The following CSMD2 variants were observed in gnomAD, a reference collection of about 807,000 sequenced individuals.
CSMD2 encodes CUB and sushi domain-containing protein 2.
CSMD2 carries 130 observed loss-of-function variants against 398.5 expected under a neutral mutation model. That is an observed-to-expected ratio of 0.33 (90% confidence interval 0.28 to 0.38). The LOEUF is 0.38. Ranked by LOEUF, CSMD2 falls within the 10% of genes least tolerant of loss-of-function variation. CSMD2 has a pLI of 1.00. For missense variants in CSMD2, 3,829 were observed against 4,764.9 expected, an observed-to-expected ratio of 0.80 and a Z score of 5.78; for synonymous variants, 1,828 against 1,908.5, an observed-to-expected ratio of 0.96 and a Z score of 1.10.
chr1:33,984,982 G>T (rs1032324574), intron 3 of CSMD2, among the ~76,000 whole-genome samples: 1 of 152,178 alleles, frequency 6.6e-6, no homozygotes, highest in African/African-American at 2.4e-5. Context: ...GGTAATGATT[G>T]CTTATTATAA....
At chr1:34,137,167 A>G (rs931166675) in intron 1 of CSMD2, among the ~76,000 whole-genome samples, 6 of 151,492 alleles carry the variant, frequency 4.0e-5, no homozygotes, top group African/African-American at 9.7e-5. Context: ...CACTATCTCT[A>G]TCCATCCCAT....
At chr1:33,946,771 ACCC>A (rs1644851831) in intron 3 of CSMD2, among the ~76,000 whole-genome samples, 1 of 54,154 alleles carries the variant, frequency 1.8e-5, no homozygotes, top group African/African-American at 8.7e-5. Flanking sequence ...GGCGCGCACC[ACCC>A]ACCATGTCCA....
chr1:33,847,425 C>T (rs1638343452), intron 5 of CSMD2, among the ~76,000 whole-genome samples: 1 of 151,978 alleles, frequency 6.6e-6, no homozygotes, highest in Non-Finnish European at 1.5e-5. Flanking sequence ...ATTCCCTACT[C>T]TCCTTGGCTT....
chr1:33,696,608 C>T (rs1645427967), intron 24 of CSMD2, among the ~76,000 whole-genome samples: 1 of 152,064 alleles, frequency 6.6e-6, no homozygotes, highest in Non-Finnish European at 1.5e-5. Context: ...TATCCATGTC[C>T]TTGGTTAGAG....
chr1:33,794,303 A>G (rs1654687246), intron 10 of CSMD2, among the ~76,000 whole-genome samples: 1 of 152,210 alleles, frequency 6.6e-6, no homozygotes, highest in African/African-American at 2.4e-5. Flanking sequence ...AGTATCTGTG[A>G]GCACGTCAGT....
intron 12 of CSMD2, among the ~76,000 whole-genome samples, chr1:33,781,944 A>C (rs1328991926): frequency 6.6e-6 from 1 of 151,848 alleles, no homozygotes; most frequent in Non-Finnish European, 1.5e-5. Context: ...ATTTCTGGGA[A>C]GCAAATGCCC....
At chr1:34,081,570 C>T (rs534941508) in intron 2 of CSMD2, among the ~76,000 whole-genome samples, 3 of 152,124 alleles carry the variant, frequency 2.0e-5, no homozygotes, top group Non-Finnish European at 4.4e-5. Context: ...AGGCGCGCGC[C>T]GCCACGCCTG....
At chr1:34,020,489 C>T (rs931829979) in intron 3 of CSMD2, among the ~76,000 whole-genome samples, 1 of 152,158 alleles carries the variant, frequency 6.6e-6, no homozygotes, top group Admixed American at 6.5e-5. Flanking sequence ...GGCTGGGGAC[C>T]ACAGGCTCAA....
rs560947152 is a variant in CSMD2 at position 34,036,298 on chromosome 1, AGTACATCC to A, written c.405-3600_405-3593del. 5.3e-5 allele frequency among the ~76,000 whole-genome samples: 8 copies of A among 152,346 alleles called. No individual in the cohort carries two copies. In the East Asian group the frequency reaches 1.5e-3, roughly 29 times the overall value. ...ATAGGTGAATGACTAAACAAACTGG[AGTACATCC>A]ATACCACAGAATACTACTCAGCAAT... On this transcript the variant is annotated intron_variant, in intron 2 of 70. Transcript: ENST00000373381.
intron 20 of CSMD2, among the ~76,000 whole-genome samples, 162 bp from the exon 21 acceptor site, chr1:33,714,937 C>CA (rs1454098795): frequency 6.6e-6 from 1 of 152,038 alleles, no homozygotes; most frequent in Non-Finnish European, 1.5e-5. Flanking sequence ...GACACTGGCC[C>CA]AAAAAGAGAA....
intron 5 of CSMD2, among the ~76,000 whole-genome samples, chr1:33,903,756 A>C (rs1340369129): frequency 6.6e-6 from 1 of 152,270 alleles, no homozygotes; most frequent in African/African-American, 2.4e-5. Context: ...AATGTTTAAA[A>C]TAAAACAAGA....
intron 3 of CSMD2, among the ~76,000 whole-genome samples, chr1:33,945,433 T>C (rs1398233312): frequency 6.6e-6 from 1 of 152,032 alleles, no homozygotes; most frequent in East Asian, 1.9e-4. Context: ...TCTTAAAAAG[T>C]TGGGGCCATT....
intron 5 of CSMD2, among the ~76,000 whole-genome samples, chr1:33,881,305 A>G (rs1641224042): frequency 6.6e-6 from 1 of 152,198 alleles, no homozygotes; most frequent in African/African-American, 2.4e-5. Flanking sequence ...AGAAAAGTAA[A>G]ATGAGAATAA....
At chr1:33,589,339 C>T (rs1165406860) in intron 44 of CSMD2, among the ~76,000 whole-genome samples, 1 of 152,134 alleles carries the variant, frequency 6.6e-6, no homozygotes, top group Non-Finnish European at 1.5e-5. Context: ...GAGGGCTCAC[C>T]CTGGGTCAGG....
chr1:33,521,408 C>T (rs1241949436), intron 68 of CSMD2, 55 bp downstream of exon 68: 19 of 1,149,066 alleles, frequency 1.7e-5, no homozygotes, highest in Admixed American at 3.4e-5. Flanking sequence ...ACGGCACACA[C>T]GGTTTCTCTC....
chr1:33,947,277 G>C (rs930702091), intron 3 of CSMD2, among the ~76,000 whole-genome samples: 3 of 152,180 alleles, frequency 2.0e-5, no homozygotes, highest in Admixed American at 1.3e-4. Context: ...CAGGGTGGGA[G>C]CCCTGCTCTG....
chr1:33,682,482 G>A (rs1336908442), intron 25 of CSMD2, among the ~76,000 whole-genome samples: 1 of 152,178 alleles, frequency 6.6e-6, no homozygotes, highest in African/African-American at 2.4e-5. Context: ...CATATCTGAG[G>A]ATAATATGTT....
chr1:34,042,108 T>C (rs749770732), intron 2 of CSMD2, among the ~76,000 whole-genome samples: 55 of 152,348 alleles, frequency 3.6e-4, no homozygotes, highest in Non-Finnish European at 6.6e-4. Flanking sequence ...CCTGGAATTA[T>C]GGAGTCTATT....
chr1:34,154,807 A>G (rs79371440), intron 1 of CSMD2, among the ~76,000 whole-genome samples: 12,048 of 150,690 alleles, frequency 0.08, 587 homozygotes, highest in East Asian at 0.27. Flanking sequence ...GGCTCACTGC[A>G]AACTCCACCT....
Sources: gnomAD v4.1 joint callset for allele counts (sites outside exome capture counted in the v4.1 genomes callset) on GRCh38, gnomAD v4.1.1 for gene constraint, MANE v1.5 for transcripts, NCBI Gene and HGNC (gene_info 2026-07-23, HGNC 2026-07-21) for gene names.